The following UROC1 variants were observed in gnomAD, a reference collection of about 807,000 sequenced individuals.
UROC1 encodes urocanate hydratase.
Under a neutral mutation model 89.5 loss-of-function variants are expected in UROC1, and 79 were observed. That is an observed-to-expected ratio of 0.88 (90% CI 0.74 to 1.06). The LOEUF is 1.06. UROC1 is among the 50% of genes least tolerant of loss of function. The pLI is 0.00. For missense variants in UROC1, 885 were observed against 907.8 expected, an observed-to-expected ratio of 0.97 and a Z score of 0.32; for synonymous variants, 361 against 354.8, an observed-to-expected ratio of 1.02 and a Z score of -0.20.
At chr3:126,512,656 G>T (rs1470402337) in intron 1 of UROC1, among the ~76,000 whole-genome samples, 1 of 152,174 alleles carries the variant, frequency 6.6e-6, no homozygotes, top group Non-Finnish European at 1.5e-5. Context: ...CCAGGTGTTT[G>T]AGGTTACAGT....
At chr3:126,490,217 C>T (rs750115461) in intron 16 of UROC1, among the ~76,000 whole-genome samples, 3 of 152,206 alleles carry the variant, frequency 2.0e-5, no homozygotes, top group African/African-American at 2.4e-5. Flanking sequence ...ATACACTCAT[C>T]GGCAGCACTC....
intron 9 of UROC1, chr3:126,502,037 G>C (rs755320720): frequency 5.0e-6 from 7 of 1,394,792 alleles, no homozygotes; most frequent in Non-Finnish European, 5.7e-6. Flanking sequence ...GGTTGCTCGA[G>C]ACAGTTCCTT....
intron 16 of UROC1, among the ~76,000 whole-genome samples, chr3:126,489,620 C>G (rs2107535012): frequency 6.6e-6 from 1 of 152,288 alleles, no homozygotes; most frequent in East Asian, 1.9e-4. Flanking sequence ...TTCAGATAGG[C>G]ACAACCATTA....
At chr3:126,499,935 G>A (rs1476213306) in intron 12 of UROC1, 122 bp downstream of exon 12, 40 of 951,728 alleles carry the variant, frequency 4.2e-5, no homozygotes, top group East Asian at 7.6e-5. Flanking sequence ...GTGAAGCCTC[G>A]GTCAGGATTT....
intron 18 of UROC1, among the ~76,000 whole-genome samples, chr3:126,483,882 TA>T (rs551385620): frequency 7.9e-5 from 12 of 152,128 alleles, no homozygotes; most frequent in Non-Finnish European, 4.4e-5. Context: ...GTTTTATCTT[TA>T]AAAAAAATAT....
Position 126,481,969 on chromosome 3 carries a change from A to C in UROC1, c.*376T>G. On this transcript the variant is annotated 3_prime_UTR_variant, in exon 20 of 20. Coordinates refer to ENST00000290868, the MANE Select transcript of UROC1 (RefSeq NM_144639.3). ...CACAGACAGCAGATGGGCAGCAGAC[A>C]GACAGAGTTGCATGGAGGCTGGCAG... 3.2e-6 allele frequency: 1 copy of C among 311,348 alleles called. No individual in the cohort carries two copies. The highest frequency in any genetic ancestry group is 6.2e-6 in the Non-Finnish European group (1 of 161,502). The allele number at this position is 311,348 out of a possible 1,614,324, so 19.3% of individuals were successfully genotyped here.
At chr3:126,509,276 TATATC>T (rs2107549071) in intron 3 of UROC1, among the ~76,000 whole-genome samples, 1 of 151,984 alleles carries the variant, frequency 6.6e-6, no homozygotes, top group South Asian at 2.1e-4. Flanking sequence ...ATATTTTTGA[TATATC>T]AGGATGAATA....
chr3:126,494,795 T>C (rs943548622), intron 15 of UROC1, among the ~76,000 whole-genome samples: 1 of 152,044 alleles, frequency 6.6e-6, no homozygotes, highest in African/African-American at 2.4e-5. Flanking sequence ...GCTGGACCCC[T>C]TCCCTGGCCA....
chr3:126,483,239 GCT>G, intron 19 of UROC1, 128 bp downstream of exon 19: 1 of 814,006 alleles, frequency 1.2e-6, no homozygotes. Context: ...TGGCTGCTGT[GCT>G]GTGGTCATGA....
At chr3:126,515,511 T>C (rs115266554) in intron 1 of UROC1, among the ~76,000 whole-genome samples, 163 of 86,510 alleles carry the variant, frequency 1.9e-3, no homozygotes, top group Middle Eastern at 8.2e-3. Flanking sequence ...CACTCCCCAG[T>C]ACCCACCACC....
intron 17 of UROC1, 106 bp downstream of exon 17, chr3:126,489,170 T>C (rs2107534670): frequency 1.8e-6 from 2 of 1,125,534 alleles, no homozygotes; most frequent in South Asian, 1.2e-5. Context: ...GCCGAGCCTC[T>C]CAGGTGCCAG....
chr3:126,506,042 G>A lies in UROC1; in HGVS notation c.603-31C>T, dbSNP rs201285135. 234 of 1,613,024 alleles carry A rather than the reference G, an allele frequency of 1.5e-4. 1 individual carries two copies. The highest frequency in any genetic ancestry group is 7.0e-4 in the Admixed American group (42 of 60,022). On this transcript the variant is annotated intron_variant, in intron 6 of 19. Transcript: ENST00000290868. ...CACAGGGAGAGAAGCCAAGCCCAGG[G>A]CTCAGCCAGTGCCAGGCCCAGGTCC...
rs199874583 is a variant in UROC1, at chr3:126,488,244, G to A, written c.1744C>T (p.Arg582Cys). The change falls in exon 18 of 20, where the codon CGC becomes TGC. Residue 582 changes from arginine to cysteine, a missense_variant. By Grantham distance (180) the Arg-to-Cys change is radical. Coordinates refer to ENST00000290868, the MANE Select transcript of UROC1 (RefSeq NM_144639.3). ...TGAAGGGCGACCCAGGTGGCTCCGC[G>A]ACAGGCATCTCCCACGAAGTTCTGC... is the stretch of plus-strand genomic sequence containing the variant. ...AVQNFVGDAC[R>C]GATWVALHNG... 1.5e-5 allele frequency: 24 copies of A among 1,614,204 alleles called. No individual in the cohort carries two copies. Among genetic ancestry groups the A allele is most frequent in the Middle Eastern group, 1.6e-4 (1 of 6,062 alleles).
chr3:126,501,728 T>G, intron 9 of UROC1: 1 of 1,526,604 alleles, frequency 6.6e-7, no homozygotes, highest in South Asian at 1.1e-5. Context: ...TTGCAGGTAG[T>G]AGAGATATCA....
Position 126,505,767 on chromosome 3 carries a change from G to A in UROC1, c.747C>T (p.Leu249=), listed in dbSNP as rs766972220. ...TGGCCTGAGCCCCACTCATTCCGCC[G>A]AGCCCAGAGGTGACAAAGACCTTCC... ...LAGKVFVTSG[L]GGMSGAQAKA... The change falls in exon 8 of 20, where the codon CTC becomes CTT. Residue 249 remains leucine (L), a synonymous_variant. Coordinates refer to ENST00000290868, the MANE Select transcript of UROC1 (RefSeq NM_144639.3). 70 of 1,613,758 alleles carry A rather than the reference G, an allele frequency of 4.3e-5. No individual in the cohort carries two copies. Among genetic ancestry groups the A allele is most frequent in the South Asian group, 2.0e-4 (18 of 91,082 alleles).
chr3:126,492,931 T>C (rs1307719333), intron 15 of UROC1, among the ~76,000 whole-genome samples: 1 of 152,238 alleles, frequency 6.6e-6, no homozygotes, highest in Non-Finnish European at 1.5e-5. Flanking sequence ...CCACTCTCAG[T>C]GTGCCATACA....
chr3:126,495,943 G>T, intron 15 of UROC1, 95 bp downstream of exon 15: 2 of 1,257,586 alleles, frequency 1.6e-6, no homozygotes, highest in Non-Finnish European at 2.3e-6. Flanking sequence ...GCTGGAGGCT[G>T]TGGACCAGGC....
At position 126,500,890 on chromosome 3, in the gene UROC1, G is replaced by A. The variant is rs79706014; in HGVS notation, c.966-16C>T. On this transcript the variant is annotated splice_polypyrimidine_tract_variant and intron_variant, in intron 10 of 19. Coordinates refer to ENST00000290868, the MANE Select transcript of UROC1 (RefSeq NM_144639.3). ...CAGGCGCTCCCTGGGGAAGCCATGC[G>A]GTGGTCAGTGCAAGCCACACACAGC... The A allele has an allele frequency of 0.033, 53,268 of 1,612,776 alleles. 976 individuals carry two copies. Among genetic ancestry groups the A allele is most frequent in the Non-Finnish European group, 0.036 (42,930 of 1,179,728 alleles).
intron 1 of UROC1, among the ~76,000 whole-genome samples, chr3:126,515,295 C>T (rs1007570623): frequency 2.2e-4 from 33 of 150,402 alleles, no homozygotes; most frequent in African/African-American, 7.5e-4. Context: ...ATTAACAACA[C>T]CTGGACAACT....
Sources: allele counts gnomAD v4.1 joint callset (sites outside exome capture counted in the v4.1 genomes callset), GRCh38; gene constraint gnomAD v4.1.1; transcripts MANE v1.5; gene names NCBI Gene and HGNC (gene_info 2026-07-23, HGNC 2026-07-21).